The following ZNF420 variants were observed in gnomAD, a reference collection of about 807,000 sequenced individuals.
ZNF420 encodes ATM and p53-associated KZNF protein.
In ZNF420, 31 loss-of-function variants were observed where a neutral mutation model predicts 44.7. That is an observed-to-expected ratio of 0.69 (90% confidence interval 0.52 to 0.94). The LOEUF (loss-of-function observed/expected upper bound fraction) is 0.94. ZNF420 is among the 40% of genes least tolerant of loss of function. ZNF420 has a pLI of 0.00. For missense variants in ZNF420, 681 were observed against 827.9 expected (o/e 0.82, Z 2.18); for synonymous variants, 245 against 267.4 (o/e 0.92, Z 0.82).
Position 37,129,089 on chromosome 19 carries a change from AG to A in ZNF420, c.*33del, listed in dbSNP as rs770503623. Reference sequence around the variant, plus strand: ...CTGATTATTTGAGATCACTATGAAGAGGTTCTCTGGTTGTTAGCAGCAAAGA... The same window carrying A: ...CTGATTATTTGAGATCACTATGAAGAGTTCTCTGGTTGTTAGCAGCAAAGA... On this transcript the variant is annotated 3_prime_UTR_variant, in exon 5 of 5. Coordinates refer to ENST00000337995, the MANE Select transcript of ZNF420 (RefSeq NM_144689.5). 1 of 1,583,174 alleles carries A rather than the reference AG, an allele frequency of 6.3e-7. No homozygotes were observed. The highest frequency in any genetic ancestry group is 2.3e-5 in the East Asian group (1 of 44,384).
chr19:37,022,010 A>C (rs552523770), intron 1 of ZNF420, among the ~76,000 whole-genome samples: 7 of 151,460 alleles, frequency 4.6e-5, no homozygotes, highest in African/African-American at 1.7e-4. Context: ...AATTGAAAAA[A>C]TCTGAATTTG....
intron 1 of ZNF420, among the ~76,000 whole-genome samples, chr19:37,047,286 A>C (rs1313122764): frequency 6.6e-6 from 1 of 152,228 alleles, no homozygotes; most frequent in Non-Finnish European, 1.5e-5. Flanking sequence ...ATGAAGGGAG[A>C]GTCTTCATCA....
chr19:37,025,683 A>G (rs995492550), intron 1 of ZNF420, among the ~76,000 whole-genome samples: 1 of 151,742 alleles, frequency 6.6e-6, no homozygotes, highest in East Asian at 1.9e-4. Flanking sequence ...AGAGCTCAGT[A>G]TCACTTTCTT....
chr19:37,057,437 G>C (rs912627884), intron 1 of ZNF420, among the ~76,000 whole-genome samples: 1 of 151,862 alleles, frequency 6.6e-6, no homozygotes, highest in Non-Finnish European at 1.5e-5. Context: ...CTGTATGTCT[G>C]TGTGTGTGTC....
At chr19:37,122,658 G>T (rs574424941) in intron 4 of ZNF420, among the ~76,000 whole-genome samples, 61 of 152,054 alleles carry the variant, frequency 4.0e-4, no homozygotes, top group African/African-American at 1.4e-3. Flanking sequence ...CTGGGGTTCC[G>T]TGCTCTCTTA....
chr19:37,013,308 G>A (rs2074585946), intron 1 of ZNF420, among the ~76,000 whole-genome samples: 1 of 152,180 alleles, frequency 6.6e-6, no homozygotes, highest in African/African-American at 2.4e-5. Context: ...CCAGGCGCCT[G>A]TCGGCCTTGC....
At chr19:37,043,437 C>T (rs7246473) in intron 1 of ZNF420, among the ~76,000 whole-genome samples, 24,638 of 152,236 alleles carry the variant, frequency 0.16, 2,112 homozygotes, top group African/African-American at 0.23. Context: ...ATATTATAAC[C>T]TAAATTCCTG....
chr19:37,112,664 C>T (rs1218105882), intron 4 of ZNF420, among the ~76,000 whole-genome samples: 1 of 152,192 alleles, frequency 6.6e-6, no homozygotes, highest in African/African-American at 2.4e-5. Flanking sequence ...CCAAACCCTC[C>T]TGTTCTTTTT....
chr19:37,076,853 A>G (rs1048996807), upstream of ZNF420, among the ~76,000 whole-genome samples: 2 of 152,152 alleles, frequency 1.3e-5, no homozygotes, highest in African/African-American at 4.8e-5. Flanking sequence ...TGTGAATTGG[A>G]CATAATTCTT....
intron 4 of ZNF420, among the ~76,000 whole-genome samples, chr19:37,103,933 A>C (rs900049982): frequency 6.7e-6 from 1 of 150,262 alleles, no homozygotes; most frequent in Non-Finnish European, 1.5e-5. Flanking sequence ...ATACAAAAGA[A>C]TTTTCCATAT....
chr19:37,055,926 G>A (rs970220745), intron 1 of ZNF420, among the ~76,000 whole-genome samples: 4 of 152,170 alleles, frequency 2.6e-5, no homozygotes, highest in African/African-American at 9.7e-5. Context: ...GGAAGCGTCT[G>A]CCTGTGTGCC....
Position 37,127,244 on chromosome 19 carries a change from A to G in ZNF420, c.253A>G (p.Asn85Asp). 6.2e-7 allele frequency: 1 copy of G among 1,613,470 alleles called. No individual in the cohort carries two copies. The highest frequency in any genetic ancestry group is 8.5e-7 in the Non-Finnish European group (1 of 1,179,726). Residue 85 changes from asparagine (N) to aspartate (D), a missense_variant, in exon 5 of 5, where the codon AAT (asparagine) becomes GAT (aspartate). Physicochemically the swap from Asn to Asp is conservative, Grantham distance 23. Coordinates refer to ENST00000337995, the MANE Select transcript of ZNF420 (RefSeq NM_144689.5). The stretch of plus-strand genomic sequence containing the variant: ...TGAAAACTGTGATCTTGAAGAGTCC[A>G]ATTCCAGGGATTATTTGGAAGCCAA... ...RLENCDLEES[N>D]SRDYLEAKGK...
chr19:37,059,268 C>CA (rs56263825), intron 1 of ZNF420, among the ~76,000 whole-genome samples: 34,739 of 152,178 alleles, frequency 0.23, 4,602 homozygotes, highest in Non-Finnish European at 0.3. Flanking sequence ...GCCGCGGCTG[C>CA]AGCAGGAGCT....
At chr19:37,008,141 T>C (rs2074542366) in intron 1 of ZNF420, 45 of 299,876 alleles carry the variant, frequency 1.5e-4, no homozygotes, top group South Asian at 1.3e-3. Flanking sequence ...CCTGTGTGCC[T>C]GTAGGCTACT....
At position 37,087,106 on chromosome 19, in the gene ZNF420, A is replaced by C. The variant is rs142041181; in HGVS notation, c.-80-1933A>C. Among the ~76,000 whole-genome samples, 60 of 152,018 alleles carry C rather than the reference A, an allele frequency of 3.9e-4. No individual in the cohort carries two copies. The East Asian group carries it at 0.011, about 29-fold the overall frequency. On this transcript the variant is annotated intron_variant, in intron 2 of 4. Coordinates refer to ENST00000337995, the MANE Select transcript of ZNF420 (RefSeq NM_144689.5). Reference sequence around the variant, plus strand: ...TCAAGACCAGCCTGGGCAATGTAGCAAAACCTCATCCCAACAAAAAAAGTA... The same window carrying C: ...TCAAGACCAGCCTGGGCAATGTAGCCAAACCTCATCCCAACAAAAAAAGTA...
At position 37,129,145 on chromosome 19, in the gene ZNF420, T is replaced by C. The variant is rs1971529069; in HGVS notation, c.*87T>C. ...TCACAAATGTGAATATGGGCGCACA[T>C]TTGCCTCATAAAGCACAGCATCAGA... On this transcript the variant is annotated 3_prime_UTR_variant, in exon 5 of 5. Coordinates refer to ENST00000337995, the MANE Select transcript of ZNF420 (RefSeq NM_144689.5). 14 of 1,482,146 alleles carry C rather than the reference T, an allele frequency of 9.4e-6. No homozygotes were observed. Among genetic ancestry groups the C allele is most frequent in the Non-Finnish European group, 1.3e-5 (14 of 1,102,384 alleles). 91.8% of individuals were successfully genotyped at this position (1,482,146 alleles called of 1,614,324 possible). A position where few individuals can be genotyped will look rare whatever the true frequency, so the allele number is the denominator to read the frequency against.
intron 4 of ZNF420, among the ~76,000 whole-genome samples, chr19:37,096,923 G>C (rs866801552): frequency 2.0e-4 from 29 of 147,650 alleles, no homozygotes; most frequent in African/African-American, 6.3e-4. Flanking sequence ...TTTTGAGACA[G>C]AGTCTCGCTG....
chr19:37,103,967 A>ATTTTTTTTTTTTTTTT (rs58366687), intron 4 of ZNF420, among the ~76,000 whole-genome samples: 2 of 144,272 alleles, frequency 1.4e-5, no homozygotes, highest in African/African-American at 2.5e-5. Flanking sequence ...CTCTTCTCTC[A>ATTTTTTTTTTTTTTTT]TTTTTTTTTT....
intron 1 of ZNF420, among the ~76,000 whole-genome samples, chr19:37,070,086 T>C (rs547566809): frequency 1.3e-5 from 2 of 152,226 alleles, no homozygotes; most frequent in African/African-American, 4.8e-5. Context: ...ACCAATATAA[T>C]TGAATAATGA....
Sources: gnomAD v4.1 joint callset for allele counts (sites outside exome capture counted in the v4.1 genomes callset) on GRCh38, gnomAD v4.1.1 for gene constraint, MANE v1.5 for transcripts, NCBI Gene and HGNC (gene_info 2026-07-23, HGNC 2026-07-21) for gene names.